CADPS: variants seen among roughly 807,000 people sequenced by gnomAD.
CADPS encodes the protein calcium-dependent secretion activator 1.
A neutral mutation model predicts 167.3 loss-of-function variants in CADPS; 57 were observed. That is an observed-to-expected ratio of 0.34 (90% CI 0.28 to 0.42). The LOEUF (loss-of-function observed/expected upper bound fraction) is 0.42. Among genes scored for constraint, CADPS ranks in the 20% least tolerant of loss-of-function variants. CADPS has a pLI of 1.00. For missense variants in CADPS, 1,414 were observed against 1,738.1 expected (o/e 0.81, Z 3.32); for synonymous variants, 676 against 635.3 (o/e 1.06, Z -0.96).
chr3:62,787,109 T>C (rs2152706265), intron 1 of CADPS, among the ~76,000 whole-genome samples: 1 of 151,906 alleles, frequency 6.6e-6, no homozygotes, highest in East Asian at 1.9e-4. Context: ...GTCTGAGCAA[T>C]ATGGCGAAAA....
At chr3:62,469,290 T>C (rs544923660) in intron 24 of CADPS, among the ~76,000 whole-genome samples, 22 of 152,178 alleles carry the variant, frequency 1.4e-4, no homozygotes, top group Admixed American at 3.3e-4. Flanking sequence ...TCTGGAGTAA[T>C]AGTGAGTACT....
chr3:62,520,708 AG>A (rs563873349), intron 13 of CADPS, among the ~76,000 whole-genome samples: 84 of 152,342 alleles, frequency 5.5e-4, no homozygotes, highest in African/African-American at 1.2e-3. Context: ...TGTAACTGCC[AG>A]AATTGCTCTG....
Position 62,544,859 on chromosome 3 carries a change from G to T in CADPS, c.1966+5044C>A, listed in dbSNP as rs765947612. On this transcript the variant is annotated intron_variant, in intron 11 of 29. Transcript: ENST00000383710. The surrounding 1 kb of genome is among the most constrained non-coding windows in gnomAD (Gnocchi z 4.4). ...AGGGGAGCACTTACCCTTCAGTCCA[G>T]CTAGAAGTTAGCAGGGTAAGAAGGA... 2 of 1,247,200 alleles carry T rather than the reference G, an allele frequency of 1.6e-6. No individual in the cohort carries two copies. Among genetic ancestry groups the T allele is most frequent in the South Asian group, 2.7e-5 (2 of 74,538 alleles). The allele number at this position is 1,247,200 out of a possible 1,614,324, so 77.3% of individuals were successfully genotyped here. A position where few individuals can be genotyped will look rare whatever the true frequency, so the allele number is the denominator to read the frequency against.
At chr3:62,548,434 A>G (rs2152226871) in intron 11 of CADPS, among the ~76,000 whole-genome samples, 1 of 152,240 alleles carries the variant, frequency 6.6e-6, no homozygotes, top group Admixed American at 6.5e-5. Flanking sequence ...GATTATTTAC[A>G]CTGTTCCACA....
At position 62,875,302 on chromosome 3, in the gene CADPS, C is replaced by T. The variant is rs2083454285; in HGVS notation, c.-273G>A. 1 of 229,182 alleles carries T rather than the reference C, an allele frequency of 4.4e-6. No individual in the cohort carries two copies. The highest frequency in any genetic ancestry group is 2.3e-5 in the African/African-American group (1 of 44,022). The allele number at this position is 229,182 out of a possible 1,614,324, so 14.2% of individuals were successfully genotyped here. ...GCAAGGGGGAGAATCAATTGCGAGCCCCGAGCCCGCAGCCGGATGCCATCT... is the reference window on the plus strand; with the variant it reads ...GCAAGGGGGAGAATCAATTGCGAGCTCCGAGCCCGCAGCCGGATGCCATCT... On this transcript the variant is annotated 5_prime_UTR_variant, in exon 1 of 30. Transcript: ENST00000383710.
intron 24 of CADPS, among the ~76,000 whole-genome samples, chr3:62,468,175 C>A (rs1359459408): frequency 6.6e-6 from 1 of 152,096 alleles, no homozygotes; most frequent in African/African-American, 2.4e-5. Context: ...AGAAAGATGT[C>A]AGAGCAAAAG....
intron 28 of CADPS, among the ~76,000 whole-genome samples, chr3:62,417,308 A>T (rs1414035818): frequency 3.9e-5 from 2 of 51,838 alleles, no homozygotes; most frequent in Non-Finnish European, 6.9e-5. Flanking sequence ...TTTTTTTGAG[A>T]CTGTCTTGCT....
At chr3:62,772,378 C>G (rs1220699108) in intron 1 of CADPS, among the ~76,000 whole-genome samples, 1 of 152,154 alleles carries the variant, frequency 6.6e-6, no homozygotes, top group Non-Finnish European at 1.5e-5. Context: ...CTGGGGGCAT[C>G]TTCTGGAGAA....
intron 3 of CADPS, among the ~76,000 whole-genome samples, chr3:62,714,529 G>A (rs2084039936): frequency 6.6e-6 from 1 of 152,178 alleles, no homozygotes; most frequent in South Asian, 2.1e-4. Flanking sequence ...GGAGCAGTGT[G>A]GGTGAAGGGA....
intron 3 of CADPS, among the ~76,000 whole-genome samples, chr3:62,682,803 A>C (rs1284357657): frequency 1.3e-5 from 2 of 152,024 alleles, no homozygotes; most frequent in African/African-American, 4.8e-5. Context: ...TTTTTTCCTC[A>C]TGGAACTGAT....
rs1272966386 is a variant in CADPS at position 62,833,772 on chromosome 3, C to G, written c.441+40817G>C. ...CTGCTCTCCCTCCACACCCCTTGCCCCAAAACAGAGTGTCTCCATCTTTAT... is the reference window on the plus strand; with the variant it reads ...CTGCTCTCCCTCCACACCCCTTGCCGCAAAACAGAGTGTCTCCATCTTTAT... On this transcript the variant is annotated intron_variant, in intron 1 of 29. Coordinates refer to ENST00000383710, the MANE Select transcript of CADPS (RefSeq NM_003716.4). 2.0e-5 allele frequency among the ~76,000 whole-genome samples: 3 copies of G among 152,048 alleles called. No individual in the cohort carries two copies. The East Asian group carries it at 5.8e-4, about 30-fold the overall frequency.
intron 6 of CADPS, among the ~76,000 whole-genome samples, chr3:62,619,028 C>T (rs1157050612): frequency 6.6e-6 from 1 of 152,198 alleles, no homozygotes; most frequent in Non-Finnish European, 1.5e-5. Context: ...TGGCCTATTG[C>T]CTGGTTTTGT....
chr3:62,507,101 C>T (rs1427650304), intron 17 of CADPS, among the ~76,000 whole-genome samples: 2 of 151,810 alleles, frequency 1.3e-5, no homozygotes, highest in Admixed American at 1.3e-4. Flanking sequence ...CTACTAAGTA[C>T]CCACTTAGTC....
At chr3:62,600,936 T>C (rs771731211) in intron 6 of CADPS, among the ~76,000 whole-genome samples, 10 of 152,080 alleles carry the variant, frequency 6.6e-5, no homozygotes, top group African/African-American at 1.2e-4. Context: ...CTGGGCAACA[T>C]AGTGATACCC....
At chr3:62,417,160 G>A (rs1575714064) in intron 28 of CADPS, among the ~76,000 whole-genome samples, 1 of 151,850 alleles carries the variant, frequency 6.6e-6, no homozygotes, top group East Asian at 1.9e-4. Context: ...TGGTGATTCT[G>A]ATTTGTTGTG....
At chr3:62,522,095 C>CTCTATCTATCTATCTA (rs3074258) in intron 13 of CADPS, among the ~76,000 whole-genome samples, 9 of 143,960 alleles carry the variant, frequency 6.3e-5, no homozygotes, top group East Asian at 2.1e-4. Context: ...ATCCTCAAAG[C>CTCTATCTATCTATCTA]TCTATCTATC....
chr3:62,870,875 A>G (rs1003821163), intron 1 of CADPS, among the ~76,000 whole-genome samples: 3 of 152,152 alleles, frequency 2.0e-5, no homozygotes, highest in Non-Finnish European at 2.9e-5. Context: ...AACATATGGT[A>G]TAGCTTTGCC....
At chr3:62,547,597 C>CA (rs993689144) in intron 11 of CADPS, among the ~76,000 whole-genome samples, 3 of 118,648 alleles carry the variant, frequency 2.5e-5, no homozygotes, top group Admixed American at 8.2e-5. Flanking sequence ...CCCCCCCCCC[C>CA]CCGCAAATTC....
At chr3:62,695,944 G>A (rs2080190346) in intron 3 of CADPS, among the ~76,000 whole-genome samples, 1 of 152,052 alleles carries the variant, frequency 6.6e-6, no homozygotes. Flanking sequence ...TTAGGGGGTT[G>A]GGTCTTTATT....
Sources: gnomAD v4.1 joint callset for allele counts (sites outside exome capture counted in the v4.1 genomes callset) on GRCh38, gnomAD v4.1.1 for gene constraint, Gnocchi (gnomAD v3.1) non-coding constraint, MANE v1.5 for transcripts, NCBI Gene and HGNC (gene_info 2026-07-23, HGNC 2026-07-21) for gene names.